Variants in UST observed in about 807,000 individuals in gnomAD.
UST encodes the protein uronyl 2-sulfotransferase.
A neutral mutation model predicts 45.6 loss-of-function variants in UST; 21 were observed. The observed-to-expected ratio is 0.46, with a 90% CI of 0.33 to 0.66. The LOEUF (loss-of-function observed/expected upper bound fraction) is 0.66. UST is among the 30% of genes least tolerant of loss of function. The pLI, the probability that UST is intolerant of heterozygous loss-of-function variation, is 0.02. For missense variants in UST, 463 were observed against 512.4 expected, an observed-to-expected ratio of 0.90 and a Z score of 0.93; for synonymous variants, 215 against 200.6, an observed-to-expected ratio of 1.07 and a Z score of -0.61.
chr6:149,045,171 G>A (rs570847334), intron 7 of UST, among the ~76,000 whole-genome samples: 11 of 125,794 alleles, frequency 8.7e-5, no homozygotes, highest in African/African-American at 1.4e-4. Context: ...GTGTGGACAG[G>A]CTTTCTGGCT....
intron 5 of UST, among the ~76,000 whole-genome samples, chr6:148,995,309 C>T (rs1186027234): frequency 2.0e-5 from 3 of 152,188 alleles, no homozygotes; most frequent in Non-Finnish European, 4.4e-5. Context: ...AGGCATGAGC[C>T]GCTGCGCCCA....
At chr6:148,926,159 A>G (rs7763623) in intron 2 of UST, among the ~76,000 whole-genome samples, 42,751 of 152,102 alleles carry the variant, frequency 0.28, 6,956 homozygotes, top group African/African-American at 0.45. Flanking sequence ...TATTTTGATC[A>G]TCGATACAGC....
intron 2 of UST, among the ~76,000 whole-genome samples, chr6:148,938,086 AT>A (rs1238822747): frequency 1.3e-5 from 2 of 152,242 alleles, no homozygotes; most frequent in African/African-American, 4.8e-5. Flanking sequence ...ACCTATTAAA[AT>A]GACCATCTTT....
At chr6:148,885,366 G>C (rs1028295559) in intron 1 of UST, among the ~76,000 whole-genome samples, 3 of 152,086 alleles carry the variant, frequency 2.0e-5, no homozygotes, top group Non-Finnish European at 2.9e-5. Context: ...TAGTTCTCTA[G>C]GCACAGGCAG....
chr6:149,047,192 T>C lies in UST; in HGVS notation c.937+25711T>C, dbSNP rs76866290. ...ATACACACCCCATTTCAGATGCAAA[T>C]TGAAGCCAGACTTTGTTTCTACATA... is the stretch of plus-strand genomic sequence containing the variant. On this transcript the variant is annotated intron_variant, in intron 7 of 7. Coordinates refer to ENST00000367463, the MANE Select transcript of UST (RefSeq NM_005715.3). Among the ~76,000 whole-genome samples the C allele has an allele frequency of 4.6e-3, 706 of 152,304 alleles. 11 individuals carry two copies. The highest frequency in any genetic ancestry group is 0.016 in the African/African-American group (652 of 41,554).
rs547288878 is a variant in UST, at chr6:148,761,686, A to C, written c.247+14009A>C. ...ACCTGAGCAACCTGGGCCTGGCCAC[A>C]CTCACCCCTGCAGCCTTGCCAGCCT... On this transcript the variant is annotated intron_variant, in intron 1 of 7. Transcript: ENST00000367463. Among the ~76,000 whole-genome samples the C allele has an allele frequency of 3.9e-5, 6 of 152,224 alleles. No individual in the cohort carries two copies. The South Asian group carries it at 1.2e-3, about 32-fold the overall frequency.
chr6:149,013,827 G>T (rs1314430189), intron 5 of UST, among the ~76,000 whole-genome samples: 1 of 152,198 alleles, frequency 6.6e-6, no homozygotes, highest in Non-Finnish European at 1.5e-5. Flanking sequence ...TTTCAAGCAT[G>T]GAGCTGTGTA....
At chr6:148,821,870 C>T (rs1777472197) in intron 1 of UST, among the ~76,000 whole-genome samples, 1 of 152,056 alleles carries the variant, frequency 6.6e-6, no homozygotes, top group South Asian at 2.1e-4. Flanking sequence ...GTCTATATTC[C>T]ATTACTATCA....
intron 3 of UST, among the ~76,000 whole-genome samples, chr6:148,949,249 C>T (rs958624826): frequency 1.3e-5 from 2 of 151,044 alleles, no homozygotes; most frequent in Admixed American, 6.6e-5. Flanking sequence ...CAAGATTGCG[C>T]CACTGCACTC....
rs1458485008 is a variant in UST, at chr6:148,748,551, C to A, written c.247+874C>A. Among the ~76,000 whole-genome samples the A allele has an allele frequency of 6.6e-6, 1 of 151,986 alleles. No individual in the cohort carries two copies. Among genetic ancestry groups the A allele is most frequent in the Non-Finnish European group, 1.5e-5 (1 of 67,976 alleles). ...CCAGCGAGAAGGCGTGACCCCGCAG[C>A]TCCCTCGTCTCGGCTGCGGGAGCCA... On this transcript the variant is annotated intron_variant, in intron 1 of 7. Transcript: ENST00000367463. This position sits in a 1 kb window ranked among gnomAD's most constrained non-coding sequence, Gnocchi z 5.3.
intron 2 of UST, 99 bp downstream of exon 2, chr6:148,887,128 A>G (rs1247633061): frequency 2.2e-6 from 2 of 916,742 alleles, no homozygotes; most frequent in East Asian, 2.5e-5. Flanking sequence ...AATCATTCAC[A>G]AGAAACAGTA....
At chr6:148,769,630 G>A (rs1156584357) in intron 1 of UST, among the ~76,000 whole-genome samples, 1 of 152,226 alleles carries the variant, frequency 6.6e-6, no homozygotes, top group African/African-American at 2.4e-5. Flanking sequence ...CTAGAATACT[G>A]TGGAAATTTG....
At chr6:148,782,335 G>A (rs920596303) in intron 1 of UST, among the ~76,000 whole-genome samples, 1 of 152,328 alleles carries the variant, frequency 6.6e-6, no homozygotes, top group South Asian at 2.1e-4. Context: ...GAGTGGAGAA[G>A]TAACTGCAGA....
intron 3 of UST, among the ~76,000 whole-genome samples, chr6:148,948,149 C>T (rs1780287530): frequency 1.3e-5 from 2 of 152,122 alleles, no homozygotes; most frequent in Non-Finnish European, 1.5e-5. Flanking sequence ...CAAGGGCTAC[C>T]CCATACTGTG....
intron 5 of UST, among the ~76,000 whole-genome samples, chr6:148,966,038 A>C (rs963260282): frequency 3.9e-5 from 6 of 152,000 alleles, no homozygotes; most frequent in African/African-American, 1.4e-4. Flanking sequence ...AGCCTGGCCA[A>C]CATGGTGAAA....
chr6:148,908,290 A>G (rs1028143861), intron 2 of UST, among the ~76,000 whole-genome samples: 4 of 152,166 alleles, frequency 2.6e-5, no homozygotes, highest in Non-Finnish European at 4.4e-5. Context: ...TTGAGTAGGT[A>G]TATATAGTAT....
intron 2 of UST, among the ~76,000 whole-genome samples, chr6:148,938,626 G>A (rs1232400359): frequency 1.3e-5 from 2 of 152,002 alleles, no homozygotes; most frequent in Non-Finnish European, 2.9e-5. Context: ...CTTCTGTTAT[G>A]AGTATGTGCT....
rs558840112 is a variant in UST at position 148,847,113 on chromosome 6, G to A, written c.248-39873G>A. 2.0e-5 allele frequency among the ~76,000 whole-genome samples: 3 copies of A among 152,372 alleles called. No homozygotes were observed. The East Asian group carries it at 5.8e-4, about 29-fold the overall frequency. ...CTGACCTGCTATCTTTTAGGATGATGTTTTAGTTATCTGTAGCAATATAAC... is the reference window on the plus strand; with the variant it reads ...CTGACCTGCTATCTTTTAGGATGATATTTTAGTTATCTGTAGCAATATAAC... On this transcript the variant is annotated intron_variant, in intron 1 of 7. Transcript: ENST00000367463.
chr6:148,920,696 T>C (rs565908714), intron 2 of UST, among the ~76,000 whole-genome samples: 2 of 152,176 alleles, frequency 1.3e-5, no homozygotes, highest in South Asian at 2.1e-4. Flanking sequence ...GCCTGGCTAG[T>C]TTTTGTTGTG....
Sources: gnomAD v4.1 joint callset for allele counts (sites outside exome capture counted in the v4.1 genomes callset) on GRCh38, gnomAD v4.1.1 for gene constraint, Gnocchi (gnomAD v3.1) non-coding constraint, MANE v1.5 for transcripts, NCBI Gene and HGNC (gene_info 2026-07-23, HGNC 2026-07-21) for gene names.